PRKN: variants seen among roughly 807,000 people sequenced by gnomAD.
PRKN encodes parkin RBR E3 ubiquitin protein ligase.
A neutral mutation model predicts 59.5 loss-of-function variants in PRKN; 56 were observed. The observed-to-expected ratio is 0.94, with a 90% CI of 0.76 to 1.18. The LOEUF (loss-of-function observed/expected upper bound fraction) is 1.18, where lower values mean the gene tolerates loss of function less well. Among genes scored for constraint, PRKN ranks in the 50% most tolerant of loss-of-function variants. The pLI is 0.00. For missense variants in PRKN, 657 were observed against 596.4 expected (o/e 1.10, Z -1.06); for synonymous variants, 250 against 222.1 (o/e 1.13, Z -1.12).
chr6:162,253,409 C>A (rs182363379), intron 3 of PRKN, among the ~76,000 whole-genome samples: 1 of 152,126 alleles, frequency 6.6e-6, no homozygotes, highest in East Asian at 1.9e-4. Flanking sequence ...TGGGACATAA[C>A]ATTTCTTCTT....
At chr6:162,451,565 A>T (rs1035612006) in intron 1 of PRKN, among the ~76,000 whole-genome samples, 23 of 151,804 alleles carry the variant, frequency 1.5e-4, no homozygotes, top group African/African-American at 2.2e-4. Context: ...GCTCTATTTT[A>T]AAAAAAAGAA....
At chr6:161,855,135 T>G (rs1793600609) in intron 6 of PRKN, among the ~76,000 whole-genome samples, 1 of 146,826 alleles carries the variant, frequency 6.8e-6, no homozygotes, top group South Asian at 2.2e-4. Flanking sequence ...GTTCTCACAA[T>G]GCACACCTTG....
intron 3 of PRKN, among the ~76,000 whole-genome samples, chr6:162,207,152 C>G (rs542992282): frequency 6.6e-6 from 1 of 152,074 alleles, no homozygotes; most frequent in African/African-American, 2.4e-5. Context: ...GCAGGCGGAT[C>G]ACAAGGTCAG....
rs960793272 is a variant in PRKN, at chr6:161,488,249, C to A, written c.1083+60605G>T. ...CCCTAGGAAGAGGACAAGTCTGCTT[C>A]ATTTAGAGAACACCATGAAGGGCCA... On this transcript the variant is annotated intron_variant, in intron 9 of 11. Transcript: ENST00000366898. This position sits in a 1 kb window ranked among gnomAD's most constrained non-coding sequence, Gnocchi z 4.5. Among the ~76,000 whole-genome samples, 6 of 152,122 alleles carry A rather than the reference C, an allele frequency of 3.9e-5. No homozygotes were observed. The highest frequency in any genetic ancestry group is 9.7e-5 in the African/African-American group (4 of 41,440).
chr6:161,726,437 T>A (rs531686313), intron 7 of PRKN, among the ~76,000 whole-genome samples: 115 of 152,232 alleles, frequency 7.6e-4, no homozygotes, highest in Admixed American at 3.3e-3. Flanking sequence ...ATCCGGCACA[T>A]GGCAGGTGCT....
intron 6 of PRKN, among the ~76,000 whole-genome samples, chr6:161,900,926 A>ATT (rs199852188): frequency 3.6e-5 from 3 of 83,554 alleles, no homozygotes; most frequent in Non-Finnish European, 9.2e-5. Flanking sequence ...ATATATATAT[A>ATT]TATTTTTTAG....
chr6:162,038,528 A>ACCAG (rs1783934270), intron 5 of PRKN, among the ~76,000 whole-genome samples: 1 of 152,208 alleles, frequency 6.6e-6, no homozygotes, highest in African/African-American at 2.4e-5. Flanking sequence ...CTAGGGTTGC[A>ACCAG]AAGGTTTCAT....
chr6:161,775,425 T>C (rs928811925), intron 7 of PRKN, among the ~76,000 whole-genome samples: 1 of 152,008 alleles, frequency 6.6e-6, no homozygotes, highest in Admixed American at 6.6e-5. Flanking sequence ...AAATTTTTTG[T>C]AGAAAAGGGG....
intron 1 of PRKN, among the ~76,000 whole-genome samples, chr6:162,546,512 C>T (rs1223506284): frequency 4.6e-5 from 7 of 151,618 alleles, no homozygotes; most frequent in East Asian, 1.9e-4. Flanking sequence ...GGTGCGATCT[C>T]GGCTCACTGC....
At chr6:161,991,372 C>T (rs955182684) in intron 5 of PRKN, among the ~76,000 whole-genome samples, 1 of 152,084 alleles carries the variant, frequency 6.6e-6, no homozygotes, top group African/African-American at 2.4e-5. Context: ...TACAGAAAAC[C>T]ACCAAACCAC....
chr6:162,628,223 G>A (rs961397539), intron 1 of PRKN, among the ~76,000 whole-genome samples: 3 of 152,184 alleles, frequency 2.0e-5, no homozygotes, highest in Non-Finnish European at 4.4e-5. Context: ...AGGACAGTTG[G>A]TTGAGGGTAA....
intron 4 of PRKN, among the ~76,000 whole-genome samples, chr6:162,119,004 C>T (rs1472193964): frequency 6.6e-6 from 1 of 152,060 alleles, no homozygotes; most frequent in Non-Finnish European, 1.5e-5. Flanking sequence ...TGAGGTATGC[C>T]TATTGGTTAT....
chr6:162,183,747 A>G (rs1783900946), intron 4 of PRKN, among the ~76,000 whole-genome samples: 1 of 152,178 alleles, frequency 6.6e-6, no homozygotes, highest in South Asian at 2.1e-4. Context: ...CAATAGCCAT[A>G]AAACTTTACT....
At chr6:161,646,639 G>A (rs778186570) in intron 7 of PRKN, among the ~76,000 whole-genome samples, 20 of 152,138 alleles carry the variant, frequency 1.3e-4, no homozygotes, top group Non-Finnish European at 1.6e-4. Context: ...GCGTTCATAC[G>A]CGTGGAGGAG....
At chr6:162,200,945 C>G (rs546442622) in intron 4 of PRKN, among the ~76,000 whole-genome samples, 186 bp downstream of exon 4, 1 of 152,260 alleles carries the variant, frequency 6.6e-6, no homozygotes, top group African/African-American at 2.4e-5. Context: ...TTTCACAGAG[C>G]AGAAAGAAAT....
intron 7 of PRKN, among the ~76,000 whole-genome samples, chr6:161,728,122 T>C (rs1461342494): frequency 6.6e-6 from 1 of 152,126 alleles, no homozygotes; most frequent in African/African-American, 2.4e-5. Flanking sequence ...ATACTTTGCA[T>C]GGGCTAAAAG....
chr6:161,738,126 T>C (rs1788041074), intron 7 of PRKN, among the ~76,000 whole-genome samples: 1 of 152,186 alleles, frequency 6.6e-6, no homozygotes, highest in Admixed American at 6.5e-5. Context: ...TGCAGATGAT[T>C]TCCTCTTCTT....
Position 162,647,964 on chromosome 6 carries a change from A to C in PRKN, c.7+79698T>G, listed in dbSNP as rs1387581651. The stretch of plus-strand genomic sequence containing the variant: ...GTCCACAGTGCAAAAAAAAAAAAAA[A>C]AAAAAAAAAAAAAGTCTACGGGGCA... On this transcript the variant is annotated intron_variant, in intron 1 of 11. Transcript: ENST00000366898. Among the ~76,000 whole-genome samples, 43 of 150,212 alleles carry C rather than the reference A, an allele frequency of 2.9e-4. 1 individual carries two copies. The highest frequency in any genetic ancestry group is 5.0e-4 in the Non-Finnish European group (34 of 67,488).
In PRKN at chr6:161,552,024, A is replaced by C. The variant is rs1780037447; in HGVS notation, c.934-3021T>G. On this transcript the variant is annotated intron_variant, in intron 8 of 11. Transcript: ENST00000366898. This position sits in a 1 kb window ranked among gnomAD's most constrained non-coding sequence, Gnocchi z 4.9. The stretch of plus-strand genomic sequence containing the variant: ...GGGTACTGGGATTTGAGGAAGAAGA[A>C]ACGTATGAGTGATGAAGGAAGGGGA... 6.6e-6 allele frequency among the ~76,000 whole-genome samples: 1 copy of C among 152,022 alleles called. No homozygotes were observed. Among genetic ancestry groups the C allele is most frequent in the Non-Finnish European group, 1.5e-5 (1 of 68,014 alleles).
Sources: gnomAD v4.1 joint callset for allele counts (sites outside exome capture counted in the v4.1 genomes callset) on GRCh38, gnomAD v4.1.1 for gene constraint, Gnocchi (gnomAD v3.1) non-coding constraint, MANE v1.5 for transcripts, NCBI Gene and HGNC (gene_info 2026-07-23, HGNC 2026-07-21) for gene names.